Variants in SUMF1 observed in about 807,000 individuals in gnomAD.
SUMF1 encodes the protein sulfatase modifying factor 1, also known as formylglycine-generating enzyme.
SUMF1 carries 48 observed loss-of-function variants against 47.6 expected under a neutral mutation model. That is an observed-to-expected ratio of 1.01 (90% CI 0.80 to 1.28). The LOEUF is 1.28. Ranked by LOEUF, SUMF1 falls within the 50% of genes most tolerant of loss-of-function variation. The probability of loss-of-function intolerance (pLI) is 0.00; values close to 1 mark genes in which losing one functional copy is unlikely to be tolerated. For synonymous variants in SUMF1, 230 were observed against 192.1 expected (o/e 1.20, Z -1.63); for missense variants, 571 against 485.4 (o/e 1.18, Z -1.66).
intron 8 of SUMF1, chr3:4,303,857 T>G: frequency 7.6e-7 from 1 of 1,317,456 alleles, no homozygotes; most frequent in Non-Finnish European, 1.0e-6. Flanking sequence ...TGGTCTCAGG[T>G]GTCTCTCACA....
intron 8 of SUMF1, among the ~76,000 whole-genome samples, chr3:4,369,188 T>C (rs746557184): frequency 1.3e-5 from 2 of 152,182 alleles, no homozygotes; most frequent in African/African-American, 2.4e-5. Flanking sequence ...TTGTCTTCTA[T>C]AGATAGTGAA....
At chr3:4,305,151 G>C (rs776286163) in intron 8 of SUMF1, among the ~76,000 whole-genome samples, 2 of 151,980 alleles carry the variant, frequency 1.3e-5, no homozygotes, top group Admixed American at 6.6e-5. Context: ...GTGGTGGTGC[G>C]ATCAGCTCAC....
intron 8 of SUMF1, among the ~76,000 whole-genome samples, chr3:4,284,340 G>T (rs1329542496): frequency 6.6e-6 from 1 of 151,810 alleles, no homozygotes; most frequent in Non-Finnish European, 1.5e-5. Flanking sequence ...TGAGCCCTGG[G>T]AGGTTGAGGC....
chr3:4,148,930 G>A (rs1470191151), intron 8 of SUMF1, among the ~76,000 whole-genome samples: 1 of 152,068 alleles, frequency 6.6e-6, no homozygotes, highest in East Asian at 1.9e-4. Flanking sequence ...AAGAGAAAGG[G>A]AAAGAGAAAA....
intron 8 of SUMF1, among the ~76,000 whole-genome samples, chr3:4,226,215 A>G (rs1360614969): frequency 6.8e-6 from 1 of 148,136 alleles, no homozygotes; most frequent in Non-Finnish European, 1.5e-5. Context: ...TAAGGGCCTT[A>G]TAACTGTTAG....
chr3:4,063,822 T>C (rs147266819), intron 9 of SUMF1, among the ~76,000 whole-genome samples: 2 of 152,300 alleles, frequency 1.3e-5, no homozygotes, highest in East Asian at 3.9e-4. Flanking sequence ...TATTAAATTA[T>C]TATATGTTTC....
At chr3:4,276,427 G>T (rs1335314732) in intron 8 of SUMF1, among the ~76,000 whole-genome samples, 1 of 152,104 alleles carries the variant, frequency 6.6e-6, no homozygotes, top group Non-Finnish European at 1.5e-5. Context: ...TTAAAAATCA[G>T]CAGAATATTC....
At chr3:4,209,226 A>C (rs999724174) in intron 8 of SUMF1, among the ~76,000 whole-genome samples, 2 of 152,196 alleles carry the variant, frequency 1.3e-5, no homozygotes, top group African/African-American at 4.8e-5. Context: ...AATTTCCAAT[A>C]TGTATAAATT....
chr3:4,396,386 G>T (rs1323812741), intron 7 of SUMF1, among the ~76,000 whole-genome samples: 2 of 152,222 alleles, frequency 1.3e-5, no homozygotes, highest in African/African-American at 4.8e-5. Context: ...ACAAGAGATT[G>T]CAAATAGAAA....
intron 7 of SUMF1, among the ~76,000 whole-genome samples, chr3:4,401,175 T>C (rs2124972906): frequency 6.6e-6 from 1 of 152,212 alleles, no homozygotes; most frequent in South Asian, 2.1e-4. Flanking sequence ...CAGTATTCCA[T>C]GGTGTATATG....
intron 8 of SUMF1, among the ~76,000 whole-genome samples, chr3:4,265,841 C>T (rs1300221319): frequency 1.1e-4 from 16 of 152,068 alleles, no homozygotes; most frequent in African/African-American, 3.4e-4. Context: ...TAGGTTTTCT[C>T]CTAGGGTTTT....
At position 4,361,773 on chromosome 3, in the gene SUMF1, G is replaced by A; in HGVS notation, c.*371C>T. 3.5e-6 allele frequency: 1 copy of A among 285,384 alleles called. No homozygotes were observed. The highest frequency in any genetic ancestry group is 4.2e-5 in the South Asian group (1 of 23,728). 17.7% of individuals were successfully genotyped at this position (285,384 alleles called of 1,614,324 possible). The stretch of plus-strand genomic sequence containing the variant: ...GGTCATGCTGTCCATCCCTTCATTT[G>A]ATAGGGGAGGGCACTTGAGGCCCAG... On this transcript the variant is annotated 3_prime_UTR_variant, in exon 9 of 9. Transcript: ENST00000272902.
At chr3:4,377,982 C>T (rs1488012506) in intron 7 of SUMF1, among the ~76,000 whole-genome samples, 1 of 152,210 alleles carries the variant, frequency 6.6e-6, no homozygotes, top group African/African-American at 2.4e-5. Context: ...CCAAGCATGG[C>T]TAATGTACTT....
intron 3 of SUMF1, among the ~76,000 whole-genome samples, chr3:4,432,715 C>G (rs1043775582): frequency 2.0e-5 from 3 of 152,200 alleles, no homozygotes; most frequent in African/African-American, 7.2e-5. Flanking sequence ...GAATCGCAGT[C>G]CGTCATCACA....
At position 4,197,874 on chromosome 3, in the gene SUMF1, G is replaced by C. The variant is rs79626077; in HGVS notation, c.1015-129129C>G. On this transcript the variant is annotated intron_variant and NMD_transcript_variant, in intron 8 of 12. Transcript: ENST00000448413. ...CTTCAACTCCAACTGTGATCCATGG[G>C]GTATCCATTCATGGAATCAAAGCAG... is the stretch of plus-strand genomic sequence containing the variant. Among the ~76,000 whole-genome samples the C allele has an allele frequency of 5.1e-4, 78 of 152,096 alleles. 1 individual carries two copies. In the East Asian group the frequency reaches 0.015, roughly 29 times the overall value.
chr3:4,226,401 C>T (rs1696176093), intron 8 of SUMF1, among the ~76,000 whole-genome samples: 1 of 151,118 alleles, frequency 6.6e-6, no homozygotes, highest in South Asian at 2.1e-4. Flanking sequence ...TCCTGAGTAG[C>T]TGGGACTACA....
rs187027519 is a variant in SUMF1, at chr3:4,040,562, G to A, written c.1191+28007C>T. On this transcript the variant is annotated intron_variant and NMD_transcript_variant, in intron 9 of 12. Coordinates refer to the SUMF1 transcript ENST00000448413. ...AACAAAATCAACTTCCAAAATACTC[G>A]TAACAATCAAGCCAGTCTAAATAGA... is the stretch of plus-strand genomic sequence containing the variant. 1.4e-4 allele frequency among the ~76,000 whole-genome samples: 21 copies of A among 152,194 alleles called. 1 individual carries two copies. In the East Asian group the frequency reaches 2.5e-3, roughly 18 times the overall value.
chr3:4,181,648 G>A (rs980490238), intron 8 of SUMF1, among the ~76,000 whole-genome samples: 1 of 152,016 alleles, frequency 6.6e-6, no homozygotes, highest in Admixed American at 6.6e-5. Flanking sequence ...ATAATGCCAT[G>A]ATTTTTTGAG....
chr3:4,430,860 G>A (rs895597982), intron 3 of SUMF1, among the ~76,000 whole-genome samples: 5 of 152,074 alleles, frequency 3.3e-5, no homozygotes, highest in Non-Finnish European at 5.9e-5. Flanking sequence ...GGGCAGGAGT[G>A]GGAAGGGCAT....
Sources: allele counts gnomAD v4.1 joint callset (sites outside exome capture counted in the v4.1 genomes callset), GRCh38; gene constraint gnomAD v4.1.1; transcripts MANE v1.5; gene names NCBI Gene and HGNC (gene_info 2026-07-23, HGNC 2026-07-21).